The following KNTC1 variants were observed in gnomAD, a reference collection of about 807,000 sequenced individuals.
KNTC1 encodes kinetochore-associated protein 1.
In KNTC1, 253 loss-of-function variants were observed where a neutral mutation model predicts 314.4. The observed-to-expected ratio is 0.80, with a 90% CI of 0.73 to 0.89. The LOEUF (loss-of-function observed/expected upper bound fraction) is 0.89. Ranked by LOEUF, KNTC1 falls within the 40% of genes least tolerant of loss-of-function variation. The probability of loss-of-function intolerance (pLI) is 0.00; values close to 1 mark genes in which losing one functional copy is unlikely to be tolerated. For missense variants in KNTC1, 2,475 were observed against 2,572.9 expected (o/e 0.96, Z 0.82); for synonymous variants, 901 against 901.4 (o/e 1.00, Z 0.01).
chr12:122,582,381 C>T (rs1347761554), intron 33 of KNTC1, among the ~76,000 whole-genome samples: 1 of 152,138 alleles, frequency 6.6e-6, no homozygotes, highest in Non-Finnish European at 1.5e-5. Flanking sequence ...TATACCACTG[C>T]ACTCCAGCCT....
chr12:122,581,354 C>T (rs1965414876), intron 33 of KNTC1, among the ~76,000 whole-genome samples: 1 of 151,698 alleles, frequency 6.6e-6, no homozygotes, highest in South Asian at 2.1e-4. Context: ...CATGTGCCAC[C>T]AAGCCCGGCT....
chr12:122,585,040 C>A, intron 36 of KNTC1, 50 bp downstream of exon 36: 3 of 1,055,868 alleles, frequency 2.8e-6, no homozygotes, highest in East Asian at 2.4e-5. Flanking sequence ...ACGCATTATG[C>A]ACCTTTTTTT....
chr12:122,580,883 C>G (rs1965376022), intron 33 of KNTC1, among the ~76,000 whole-genome samples: 1 of 152,068 alleles, frequency 6.6e-6, no homozygotes, highest in Non-Finnish European at 1.5e-5. Context: ...AAAAAATTAG[C>G]CAGGCGTGGT....
chr12:122,546,255 C>G lies in KNTC1; in HGVS notation c.749C>G (p.Ala250Gly), dbSNP rs1296373468. Residue 250 changes from alanine to glycine, a missense_variant, in exon 9 of 64, where the codon GCA becomes GGA. Physicochemically the swap from Ala to Gly is moderately conservative, Grantham distance 60. Transcript: ENST00000333479. ...ATGACAGTTAAGAACCTTATTGATG[C>G]AGAGATTATTAAAGGTAAAATAAGT... The part of the protein sequence containing the change: ...KGMTVKNLID[A>G]EIIKGAKKFQ... 1.3e-6 allele frequency: 2 copies of G among 1,571,970 alleles called. No homozygotes were observed. The highest frequency in any genetic ancestry group is 1.1e-5 in the South Asian group (1 of 89,512).
At chr12:122,598,395 G>A (rs1041253009) in intron 44 of KNTC1, among the ~76,000 whole-genome samples, 4 of 149,450 alleles carry the variant, frequency 2.7e-5, no homozygotes, top group Middle Eastern at 3.5e-3. Context: ...TGGTCCTGCC[G>A]GAAATGTCTT....
intron 27 of KNTC1, among the ~76,000 whole-genome samples, chr12:122,574,918 T>C (rs1384680133): frequency 6.6e-6 from 1 of 152,232 alleles, no homozygotes; most frequent in Non-Finnish European, 1.5e-5. Flanking sequence ...AACTTCACAC[T>C]GTTATTGCCA....
intron 3 of KNTC1, among the ~76,000 whole-genome samples, chr12:122,535,986 C>T (rs1198495504): frequency 4.0e-5 from 6 of 150,506 alleles, no homozygotes; most frequent in South Asian, 2.1e-4. Flanking sequence ...CTCTGCCTCC[C>T]GGGTTCACAC....
chr12:122,539,079 A>G (rs897808028), intron 4 of KNTC1, among the ~76,000 whole-genome samples: 5 of 152,218 alleles, frequency 3.3e-5, no homozygotes, highest in African/African-American at 4.8e-5. Context: ...TAGGAATGCT[A>G]GAGTCCCACT....
At chr12:122,554,545 C>T (rs1009452654) in intron 16 of KNTC1, among the ~76,000 whole-genome samples, 5 of 152,024 alleles carry the variant, frequency 3.3e-5, no homozygotes, top group African/African-American at 1.2e-4. Flanking sequence ...GTAACATCTG[C>T]TTTATTTTTA....
intron 16 of KNTC1, among the ~76,000 whole-genome samples, chr12:122,552,280 G>T (rs891544648): frequency 6.6e-6 from 1 of 152,136 alleles, no homozygotes; most frequent in East Asian, 1.9e-4. Flanking sequence ...GGTCAGCATG[G>T]ATAGAATGAG....
intron 63 of KNTC1, 80 bp downstream of exon 63, chr12:122,624,768 T>C (rs754368995): frequency 5.2e-6 from 5 of 968,634 alleles, no homozygotes; most frequent in Non-Finnish European, 8.4e-6. Context: ...AAGCCTTTTC[T>C]AGTGTTCTGG....
At position 122,550,967 on chromosome 12, in the gene KNTC1, C is replaced by T. The variant is rs567917771; in HGVS notation, c.1087-352C>T. 2.6e-5 allele frequency among the ~76,000 whole-genome samples: 4 copies of T among 152,264 alleles called. No individual in the cohort carries two copies. The East Asian group carries it at 7.7e-4, about 29-fold the overall frequency. On this transcript the variant is annotated intron_variant, in intron 13 of 63. Transcript: ENST00000333479. ...GTAATATTGTTTTCTAACCACATCA[C>T]GTTAAGAGGCTCATGGTATCCATTT...
chr12:122,597,163 G>A (rs1404689473), intron 43 of KNTC1: 1 of 151,594 alleles, frequency 6.6e-6, no homozygotes, highest in Non-Finnish European at 1.5e-5. Flanking sequence ...ATACTAAAGA[G>A]CATAAATATT....
chr12:122,580,249 GCTCATTTTT>G (rs1965315537), intron 32 of KNTC1, among the ~76,000 whole-genome samples: 1 of 152,062 alleles, frequency 6.6e-6, no homozygotes, highest in African/African-American at 2.4e-5. Flanking sequence ...CGCACTCATT[GCTCATTTTT>G]CTCATTTATC....
chr12:122,586,646 G>A (rs1869351863), intron 37 of KNTC1, 55 bp from the exon 38 acceptor site: 12 of 814,060 alleles, frequency 1.5e-5, no homozygotes, highest in East Asian at 3.0e-5. Flanking sequence ...TGAAGTCTGG[G>A]CTTTTAGTGT....
intron 18 of KNTC1, among the ~76,000 whole-genome samples, chr12:122,559,251 G>A (rs983472899): frequency 6.6e-6 from 1 of 152,106 alleles, no homozygotes; most frequent in Non-Finnish European, 1.5e-5. Context: ...AGGAGGCTGA[G>A]GGAAGGTAAT....
chr12:122,616,230 G>A (rs930472000), intron 57 of KNTC1, among the ~76,000 whole-genome samples: 10 of 151,588 alleles, frequency 6.6e-5, no homozygotes, highest in African/African-American at 2.4e-4. Flanking sequence ...CTAAGGGAAC[G>A]ACTGCTTACA....
chr12:122,558,546 G>A (rs1037646207), intron 18 of KNTC1, among the ~76,000 whole-genome samples: 19 of 151,754 alleles, frequency 1.3e-4, no homozygotes, highest in Admixed American at 1.2e-3. Context: ...GCAAGACTCC[G>A]TCTCAAAAGA....
chr12:122,573,803 A>G (rs1344254883), intron 26 of KNTC1, among the ~76,000 whole-genome samples: 4 of 152,198 alleles, frequency 2.6e-5, no homozygotes, highest in Admixed American at 6.5e-5. Context: ...AAAGGAGGCA[A>G]TCAGATAATG....
Sources: gnomAD v4.1 joint callset for allele counts (sites outside exome capture counted in the v4.1 genomes callset) on GRCh38, gnomAD v4.1.1 for gene constraint, MANE v1.5 for transcripts, NCBI Gene and HGNC (gene_info 2026-07-23, HGNC 2026-07-21) for gene names.